The following SF3B3 variants were observed in gnomAD, a reference collection of about 807,000 sequenced individuals.
SF3B3 encodes splicing factor 3b subunit 3, also known as SAP 130.
Under a neutral mutation model 139.2 loss-of-function variants are expected in SF3B3, and 33 were observed. That is an observed-to-expected ratio of 0.24 (90% CI 0.18 to 0.32). The LOEUF is 0.32. SF3B3 is among the 10% of genes least tolerant of loss of function. The pLI, the probability that SF3B3 is intolerant of heterozygous loss-of-function variation, is 1.00. For synonymous variants in SF3B3, 596 were observed against 563.6 expected, an observed-to-expected ratio of 1.06 and a Z score of -0.81; for missense variants, 818 against 1,509.4, an observed-to-expected ratio of 0.54 and a Z score of 7.59.
At chr16:70,532,700 G>T in intron 5 of SF3B3, 80 bp downstream of exon 5, 2 of 1,401,866 alleles carry the variant, frequency 1.4e-6, no homozygotes, top group South Asian at 1.2e-5. Context: ...TACTTAAAGG[G>T]TTTGGGAATT....
chr16:70,550,561 C>A, intron 11 of SF3B3: 1 of 562,074 alleles, frequency 1.8e-6, no homozygotes, highest in Non-Finnish European at 2.3e-6. Flanking sequence ...TCTGCCTGCA[C>A]ATGCAGCAGT....
intron 4 of SF3B3, 61 bp from the exon 5 acceptor site, chr16:70,532,418 G>A (rs1334007423): frequency 6.9e-7 from 1 of 1,443,848 alleles, no homozygotes; most frequent in East Asian, 2.7e-5. Flanking sequence ...GAGTCCTGAT[G>A]TCCTTTCCAG....
chr16:70,561,569 T>C (rs964205931), intron 16 of SF3B3, 61 bp from the exon 17 acceptor site: 27 of 1,489,118 alleles, frequency 1.8e-5, no homozygotes, highest in Non-Finnish European at 2.2e-5. Context: ...TTGGTCAGCT[T>C]ATACCATATT....
At chr16:70,564,323 G>T (rs1021426370) in intron 18 of SF3B3, among the ~76,000 whole-genome samples, 4 of 152,172 alleles carry the variant, frequency 2.6e-5, no homozygotes, top group Non-Finnish European at 4.4e-5. Flanking sequence ...AGTGAGCCAT[G>T]ATCATGCCAC....
chr16:70,553,057 C>G (rs948325728), intron 11 of SF3B3, among the ~76,000 whole-genome samples: 2 of 152,124 alleles, frequency 1.3e-5, no homozygotes, highest in Non-Finnish European at 2.9e-5. Flanking sequence ...CAGGCGCCCA[C>G]CACCACACCC....
chr16:70,561,590 C>G lies in SF3B3; in HGVS notation c.2134-40C>G, dbSNP rs754256463. On this transcript the variant is annotated intron_variant, in intron 16 of 25. Coordinates refer to ENST00000302516, the MANE Select transcript of SF3B3 (RefSeq NM_012426.5). Reference sequence around the variant, plus strand: ...AGCTTATACCATATTTGTATTTTTTCCCAAACCTTATTGGAGCTGGGTTTT... The same window carrying G: ...AGCTTATACCATATTTGTATTTTTTGCCAAACCTTATTGGAGCTGGGTTTT... The G allele has an allele frequency of 1.9e-6, 3 of 1,596,168 alleles. No individual in the cohort carries two copies. The South Asian group carries it at 3.4e-5, about 18-fold the overall frequency.
chr16:70,533,093 T>C (rs1033181508), intron 5 of SF3B3, among the ~76,000 whole-genome samples: 3 of 152,188 alleles, frequency 2.0e-5, no homozygotes, highest in Non-Finnish European at 4.4e-5. Flanking sequence ...GTTAGAGAAA[T>C]TGAAGCAGTA....
chr16:70,556,741 T>C, intron 14 of SF3B3, 145 bp from the exon 15 acceptor site: 1 of 782,864 alleles, frequency 1.3e-6, no homozygotes, highest in Non-Finnish European at 2.1e-6. Context: ...AACTAATAAC[T>C]CAGTACTCTC....
At position 70,524,042 on chromosome 16, in the gene SF3B3, G is replaced by C. The variant is rs969688807; in HGVS notation, c.-71+114G>C. On this transcript the variant is annotated intron_variant, in intron 1 of 25. Transcript: ENST00000302516. ...CGGGCAGTCTAGGCCCGAGAGGCTGGGGACCAGGAGGAGGTACCGAGGGAT... is the reference window on the plus strand; with the variant it reads ...CGGGCAGTCTAGGCCCGAGAGGCTGCGGACCAGGAGGAGGTACCGAGGGAT... 11 of 399,412 alleles carry C rather than the reference G, an allele frequency of 2.8e-5. No individual in the cohort carries two copies. The East Asian group carries it at 3.6e-4, about 13-fold the overall frequency. The allele number at this position is 399,412 out of a possible 1,614,324, so 24.7% of individuals were successfully genotyped here.
chr16:70,548,377 A>C lies in SF3B3; in HGVS notation c.1337A>C (p.Glu446Ala), dbSNP rs1368837632. The change falls in exon 11 of 26, where the codon GAA becomes GCA. Residue 446 changes from glutamate to alanine, a missense_variant. Around this residue, in one of 14 missense-constraint regions of SF3B3, gnomAD observed 31 missense variants for 77.3 expected, o/e 0.40. Coordinates refer to ENST00000302516, the MANE Select transcript of SF3B3 (RefSeq NM_012426.5). ...TCCCTCTTCTCCTGTCAGGTGTCAG[A>C]AATGGCTGTTTCTGAGCTACCTGGT... ...RVLRHGLEVS[E>A]MAVSELPGNP... 1.2e-6 allele frequency: 2 copies of C among 1,614,068 alleles called. No homozygotes were observed.
At chr16:70,550,160 C>T (rs1282513861) in intron 11 of SF3B3, 1 of 151,814 alleles carries the variant, frequency 6.6e-6, no homozygotes, top group Non-Finnish European at 1.5e-5. Flanking sequence ...CCACCATGTA[C>T]TCAGTGATTA....
Position 70,570,118 on chromosome 16 carries a change from T to C in SF3B3, c.3377T>C (p.Ile1126Thr). The C allele has an allele frequency of 6.2e-7, 1 of 1,614,128 alleles. No individual in the cohort carries two copies. The change falls in exon 24 of 26, where the codon ATT becomes ACT. Residue 1126 changes from isoleucine to threonine, a missense_variant. Physicochemically the swap from Ile to Thr is moderately conservative, Grantham distance 89. This residue lies in a region of SF3B3 where 91 missense variants were observed against 171.8 expected (regional missense o/e 0.53). Transcript: ENST00000302516. ...GTCTATACCACCTTGTCTGGAGGAA[T>C]TGGCATCCTTGTGCCATTCACGTCC... Reference protein sequence around the residue: ...SLVYTTLSGGIGILVPFTSHE... With the variant: ...SLVYTTLSGGTGILVPFTSHE...
chr16:70,534,923 C>T (rs2050152517), intron 5 of SF3B3, among the ~76,000 whole-genome samples: 1 of 152,176 alleles, frequency 6.6e-6, no homozygotes, highest in African/African-American at 2.4e-5. Context: ...CCTTTGGTCT[C>T]CCAAAGTGCT....
At chr16:70,529,521 A>G in intron 3 of SF3B3, 1 of 291,598 alleles carries the variant, frequency 3.4e-6, no homozygotes, top group South Asian at 5.2e-5. Context: ...GCCTGAAGTG[A>G]TGATTCACAT....
chr16:70,554,428 C>T lies in SF3B3; in HGVS notation c.1403-18C>T, dbSNP rs370269817. On this transcript the variant is annotated intron_variant, in intron 11 of 25. Transcript: ENST00000302516. ...TAATGAGTTCTTATCTAACCAACTC[C>T]CTTCTTTTCTTTTTCAGATGAGTTT... 15 of 1,613,070 alleles carry T rather than the reference C, an allele frequency of 9.3e-6. No individual in the cohort carries two copies. Among genetic ancestry groups the T allele is most frequent in the Non-Finnish European group, 9.3e-6 (11 of 1,179,386 alleles).
chr16:70,566,193 T>C (rs2050474958), intron 20 of SF3B3, among the ~76,000 whole-genome samples: 1 of 151,890 alleles, frequency 6.6e-6, no homozygotes, highest in Non-Finnish European at 1.5e-5. Context: ...AGAGTTTCAG[T>C]TTGGGAAGAT....
intron 8 of SF3B3, among the ~76,000 whole-genome samples, chr16:70,539,417 G>A (rs1409439946): frequency 6.6e-6 from 1 of 151,984 alleles, no homozygotes; most frequent in African/African-American, 2.4e-5. Context: ...ACATGGTGGC[G>A]GGCACCTGTA....
intron 18 of SF3B3, among the ~76,000 whole-genome samples, chr16:70,564,495 G>C (rs905405132): frequency 6.6e-6 from 1 of 152,146 alleles, no homozygotes; most frequent in Non-Finnish European, 1.5e-5. Flanking sequence ...TTGTAACCCA[G>C]GACTATACTC....
intron 1 of SF3B3, among the ~76,000 whole-genome samples, chr16:70,525,329 C>T (rs570767349): frequency 6.6e-6 from 1 of 152,230 alleles, no homozygotes; most frequent in Non-Finnish European, 1.5e-5. Flanking sequence ...TGCGCCTGGC[C>T]TCGTATATAG....
Sources: allele counts gnomAD v4.1 joint callset (sites outside exome capture counted in the v4.1 genomes callset), GRCh38; gene constraint gnomAD v4.1.1; regional missense constraint gnomAD v4.1.1; transcripts MANE v1.5; gene names NCBI Gene and HGNC (gene_info 2026-07-23, HGNC 2026-07-21).